ATG7: variants seen among roughly 807,000 people sequenced by gnomAD.
The protein encoded by ATG7 is ubiquitin-like modifier-activating enzyme ATG7.
ATG7 carries 70 observed loss-of-function variants against 82.4 expected under a neutral mutation model. The ratio of observed to expected loss-of-function variants is 0.85; its 90% CI spans 0.70 to 1.04. The LOEUF (loss-of-function observed/expected upper bound fraction) is 1.04. Among genes scored for constraint, ATG7 ranks in the 50% least tolerant of loss-of-function variants. The pLI, the probability that ATG7 is intolerant of heterozygous loss-of-function variation, is 0.00. For synonymous variants in ATG7, 287 were observed against 313.0 expected (o/e 0.92, Z 0.88); for missense variants, 792 against 864.3 (o/e 0.92, Z 1.05).
At chr3:11,512,906 A>G (rs951705741) in intron 20 of ATG7, among the ~76,000 whole-genome samples, 1 of 152,148 alleles carries the variant, frequency 6.6e-6, no homozygotes, top group Non-Finnish European at 1.5e-5. Flanking sequence ...TGGTGCGTTT[A>G]CAATCCCTGA....
chr3:11,545,420 C>T (rs2071192459), intron 20 of ATG7, among the ~76,000 whole-genome samples: 1 of 152,240 alleles, frequency 6.6e-6, no homozygotes, highest in Non-Finnish European at 1.5e-5. Flanking sequence ...CGAGAGCCTG[C>T]GCAGTGACCC....
intron 3 of ATG7, among the ~76,000 whole-genome samples, chr3:11,288,165 G>A (rs6770982): frequency 0.022 from 3,386 of 152,260 alleles, 129 homozygotes; most frequent in African/African-American, 0.074. Flanking sequence ...GCAGTATTAC[G>A]TGGCAAATAA....
intron 20 of ATG7, among the ~76,000 whole-genome samples, chr3:11,530,427 ACTGT>A (rs138563683): frequency 0.015 from 2,257 of 152,230 alleles, 37 homozygotes; most frequent in East Asian, 0.074. Context: ...TAGCTTCCAG[ACTGT>A]CTTTCATCAG....
intron 3 of ATG7, among the ~76,000 whole-genome samples, chr3:11,295,788 CTT>C (rs751389083): frequency 6.4e-5 from 6 of 93,778 alleles, no homozygotes; most frequent in Non-Finnish European, 8.2e-5. Flanking sequence ...TTCTTTCTTT[CTT>C]TTTTTTTTTT....
chr3:11,564,673 C>T, the ATG7 span: 1 of 1,192,488 alleles, frequency 8.4e-7, no homozygotes, highest in Non-Finnish European at 1.2e-6. Context: ...TCCCTCACCA[C>T]CTCCCTCCCT....
intron 11 of ATG7, 45 bp from the exon 12 acceptor site, chr3:11,340,600 T>TA (rs772598044): frequency 1.9e-6 from 3 of 1,550,528 alleles, no homozygotes; most frequent in Non-Finnish European, 2.7e-6. Flanking sequence ...TGCTTGTTTT[T>TA]ATTCTTCCCT....
intron 19 of ATG7, among the ~76,000 whole-genome samples, chr3:11,398,303 A>C (rs1303227372): frequency 6.6e-6 from 1 of 152,188 alleles, no homozygotes; most frequent in African/African-American, 2.4e-5. Context: ...AATATTTTAC[A>C]AGAATTTGCT....
chr3:11,573,186 C>T, the ATG7 span, among the ~76,000 whole-genome samples: 1 of 147,668 alleles, frequency 6.8e-6, no homozygotes, highest in African/African-American at 2.5e-5. Flanking sequence ...GACAGACAGA[C>T]AGACAGAAAG....
At chr3:11,475,907 A>ACACACACACACACACACACACACC (rs766157655) in intron 20 of ATG7, among the ~76,000 whole-genome samples, 3 of 146,332 alleles carry the variant, frequency 2.1e-5, no homozygotes, top group East Asian at 4.0e-4. Flanking sequence ...ACACACACAC[A>ACACACACACACACACACACACACC]CCCCCTCCCA....
intron 19 of ATG7, among the ~76,000 whole-genome samples, chr3:11,421,886 T>A (rs1230263437): frequency 3.3e-5 from 5 of 152,220 alleles, no homozygotes; most frequent in Non-Finnish European, 7.3e-5. Context: ...TTTGTACATC[T>A]CCATCAGACC....
At chr3:11,309,458 T>G (rs1251449062) in intron 7 of ATG7, among the ~76,000 whole-genome samples, 2 of 150,040 alleles carry the variant, frequency 1.3e-5, no homozygotes, top group Non-Finnish European at 2.9e-5. Flanking sequence ...TTGATTTTTT[T>G]TTTTTGTTTT....
Position 11,333,054 on chromosome 3 carries a change from A to G in ATG7, c.850A>G (p.Ile284Val), listed in dbSNP as rs1951873991. Reference protein sequence around the residue: ...QGARDVAHSIIFEVKLPEMAF... With the variant: ...QGARDVAHSIVFEVKLPEMAF... ...GGCGAGAGACGTTGCCCACAGCATC[A>G]TCTTCGAAGTGAAGCTTCCAGAAAT... The change falls in exon 11 of 21, where the codon ATC (isoleucine) becomes GTC (valine). Residue 284 changes from isoleucine (I) to valine (V), a missense_variant. Ile to Val is a conservative substitution (Grantham distance 29, BLOSUM62 3). Transcript: ENST00000693202. 2 of 1,567,268 alleles carry G rather than the reference A, an allele frequency of 1.3e-6. No individual in the cohort carries two copies. The highest frequency in any genetic ancestry group is 1.9e-5 in the Admixed American group (1 of 53,694).
In ATG7 at chr3:11,468,338, C is replaced by G. The variant is rs181630307; in HGVS notation, c.2079+41412C>G. ...GCTAGTGGGAGAGCACAGGCCAGCC[C>G]GCCACTTCCCTGGAAGAACTGATGG... is the stretch of plus-strand genomic sequence containing the variant. On this transcript the variant is annotated intron_variant, in intron 20 of 20. Transcript: ENST00000693202. 4.1e-4 allele frequency among the ~76,000 whole-genome samples: 63 copies of G among 152,266 alleles called. 2 individuals are homozygous for G. The East Asian group carries it at 0.012, about 29-fold the overall frequency.
chr3:11,280,228 A>G (rs959588757), intron 1 of ATG7, among the ~76,000 whole-genome samples: 2 of 151,888 alleles, frequency 1.3e-5, no homozygotes, highest in Non-Finnish European at 2.9e-5. Flanking sequence ...TTGTATTTTT[A>G]GTAGAGACGG....
intron 1 of ATG7, among the ~76,000 whole-genome samples, chr3:11,278,563 T>G (rs1337798131): frequency 6.6e-6 from 1 of 152,228 alleles, no homozygotes; most frequent in East Asian, 1.9e-4. Flanking sequence ...TGGGCACCTG[T>G]GAGGTGCGAA....
At chr3:11,461,581 C>G (rs748513602) in intron 20 of ATG7, among the ~76,000 whole-genome samples, 5 of 152,280 alleles carry the variant, frequency 3.3e-5, no homozygotes, top group Non-Finnish European at 5.9e-5. Context: ...TTTAATCTCT[C>G]TCACTCTCTC....
At chr3:11,446,486 T>G (rs988233690) in intron 20 of ATG7, 2 of 443,026 alleles carry the variant, frequency 4.5e-6, no homozygotes, top group African/African-American at 4.1e-5. Flanking sequence ...CAAAATACTT[T>G]ATTGTATCTG....
At chr3:11,427,490 C>CTTT (rs1164934863) in intron 20 of ATG7, among the ~76,000 whole-genome samples, 1 of 80,090 alleles carries the variant, frequency 1.2e-5, no homozygotes, top group Non-Finnish European at 2.4e-5. Context: ...GTCATTGCAT[C>CTTT]ATTTTTTTTT....
downstream of ATG7, among the ~76,000 whole-genome samples, chr3:11,559,814 T>C (rs1354981417): frequency 6.6e-6 from 1 of 152,026 alleles, no homozygotes; most frequent in Non-Finnish European, 1.5e-5. Flanking sequence ...CCCGTTAACG[T>C]CCCCAGAGCC....
Sources: allele counts gnomAD v4.1 joint callset (sites outside exome capture counted in the v4.1 genomes callset), GRCh38; gene constraint gnomAD v4.1.1; transcripts MANE v1.5; gene names NCBI Gene and HGNC (gene_info 2026-07-23, HGNC 2026-07-21).